PJA2: variants seen among roughly 807,000 people sequenced by gnomAD.
PJA2 encodes the protein praja ring finger ubiquitin ligase 2.
Under a neutral mutation model 69.3 loss-of-function variants are expected in PJA2, and 25 were observed. The observed-to-expected ratio is 0.36, with a 90% CI of 0.26 to 0.50. The LOEUF (loss-of-function observed/expected upper bound fraction) is 0.50. Ranked by LOEUF, PJA2 falls within the 20% of genes least tolerant of loss-of-function variation. The pLI, the probability that PJA2 is intolerant of heterozygous loss-of-function variation, is 0.96. For missense variants in PJA2, 809 were observed against 830.2 expected (o/e 0.97, Z 0.31); for synonymous variants, 308 against 277.8 (o/e 1.11, Z -1.08).
intron 7 of PJA2, among the ~76,000 whole-genome samples, chr5:109,354,300 A>ATAGATTAGATATCTATGATATCTC (rs1561346001): frequency 4.2e-5 from 6 of 143,172 alleles, no homozygotes; most frequent in African/African-American, 1.6e-4. Context: ...TATGATATCT[A>ATAGATTAGATATCTATGATATCTC]GAGATATCTA....
chr5:109,362,214 T>C (rs1046398293), intron 6 of PJA2, among the ~76,000 whole-genome samples: 5 of 152,186 alleles, frequency 3.3e-5, no homozygotes, highest in African/African-American at 1.2e-4. Flanking sequence ...CTGCTTTCAG[T>C]GGGCTACTAT....
intron 9 of PJA2, among the ~76,000 whole-genome samples, chr5:109,339,453 A>G (rs756222019): frequency 1.3e-5 from 2 of 152,242 alleles, no homozygotes; most frequent in Admixed American, 6.5e-5. Flanking sequence ...ATAAAAAAGA[A>G]ATGAAAAGAA....
chr5:109,372,300 C>T (rs1001950618), intron 4 of PJA2, among the ~76,000 whole-genome samples: 3 of 152,214 alleles, frequency 2.0e-5, no homozygotes, highest in Non-Finnish European at 4.4e-5. Context: ...CTCAAGAATG[C>T]TCTATTTCAA....
chr5:109,392,969 C>G (rs1423716958), intron 1 of PJA2, among the ~76,000 whole-genome samples: 1 of 151,942 alleles, frequency 6.6e-6, no homozygotes, highest in Admixed American at 6.5e-5. Context: ...GCAACAAAAA[C>G]TAAAATTTCC....
intron 1 of PJA2, among the ~76,000 whole-genome samples, chr5:109,394,196 C>T (rs1285526300): frequency 6.6e-6 from 1 of 151,682 alleles, no homozygotes; most frequent in African/African-American, 2.4e-5. Flanking sequence ...TATAGGTACC[C>T]GCCACCATGC....
At chr5:109,348,853 T>TTC (rs1762208563) in intron 7 of PJA2, among the ~76,000 whole-genome samples, 1 of 152,230 alleles carries the variant, frequency 6.6e-6, no homozygotes, top group Non-Finnish European at 1.5e-5. Flanking sequence ...GGATTAGTAA[T>TTC]TCTGCATATT....
chr5:109,360,753 A>T (rs1345738266), intron 6 of PJA2, among the ~76,000 whole-genome samples: 2 of 152,204 alleles, frequency 1.3e-5, no homozygotes, highest in African/African-American at 4.8e-5. Context: ...AGGTTTCTAA[A>T]ACCTTAACAC....
In PJA2 at chr5:109,342,196, T is replaced by TG. The variant is rs1303537282; in HGVS notation, c.2001+1993dup. Among the ~76,000 whole-genome samples the TG allele has an allele frequency of 6.4e-3, 120 of 18,706 alleles. 2 individuals carry two copies. Among genetic ancestry groups the TG allele is most frequent in the Admixed American group, 0.018 (32 of 1,748 alleles). The allele number at this position is 18,706 out of a possible 152,430, so 12.3% of individuals were successfully genotyped here. A position where few individuals can be genotyped will look rare whatever the true frequency, so the allele number is the denominator to read the frequency against. On this transcript the variant is annotated intron_variant, in intron 9 of 9. Coordinates refer to ENST00000361189, the MANE Select transcript of PJA2 (RefSeq NM_014819.5). ...CCAGCCGCCCCGTCCGGGAGGGAGG[T>TG]GGGGGGGGGTCAGCCCCCCCGCCCG...
At chr5:109,359,619 T>C (rs1325105217) in intron 6 of PJA2, among the ~76,000 whole-genome samples, 1 of 152,078 alleles carries the variant, frequency 6.6e-6, no homozygotes, top group Non-Finnish European at 1.5e-5. Flanking sequence ...TTCTAAAAAA[T>C]AAATGACCTG....
At chr5:109,392,859 C>G (rs1747314351) in intron 1 of PJA2, among the ~76,000 whole-genome samples, 1 of 152,052 alleles carries the variant, frequency 6.6e-6, no homozygotes, top group South Asian at 2.1e-4. Context: ...AACTCAATTC[C>G]AAAAGCAATG....
At chr5:109,368,780 G>A in intron 4 of PJA2, 34 bp from the exon 5 acceptor site, 2 of 1,576,832 alleles carry the variant, frequency 1.3e-6, no homozygotes, top group Admixed American at 1.8e-5. Context: ...CTATCATAAT[G>A]TGTTCAGTTA....
chr5:109,408,640 G>C (rs1747750172), intron 1 of PJA2, among the ~76,000 whole-genome samples: 1 of 152,126 alleles, frequency 6.6e-6, no homozygotes, highest in Non-Finnish European at 1.5e-5. Flanking sequence ...AGTGGGACTG[G>C]GGGATGAAAA....
In PJA2 at chr5:109,336,473, A is replaced by G. The variant is rs958455501; in HGVS notation, c.*758T>C. On this transcript the variant is annotated 3_prime_UTR_variant, in exon 10 of 10. Transcript: ENST00000361189. ...TTAACCAAGGAGAAACAGGTTGGGT[A>G]AGAGGTTAGAAAGAGTTTCATAAGG... is the stretch of plus-strand genomic sequence containing the variant. 1 of 152,124 alleles carries G rather than the reference A, an allele frequency of 6.6e-6. No homozygotes were observed. Among genetic ancestry groups the G allele is most frequent in the Non-Finnish European group, 1.5e-5 (1 of 68,038 alleles). The allele number at this position is 152,124 out of a possible 1,614,324, so 9.4% of individuals were successfully genotyped here.
chr5:109,357,396 T>A (rs770535716), intron 6 of PJA2, among the ~76,000 whole-genome samples: 1 of 152,192 alleles, frequency 6.6e-6, no homozygotes, highest in Non-Finnish European at 1.5e-5. Context: ...AAGAGTAATG[T>A]TATAGTTTAG....
Position 109,356,016 on chromosome 5 carries a change from C to G in PJA2, c.1663G>C (p.Gly555Arg). 6.2e-7 allele frequency: 1 copy of G among 1,603,754 alleles called. No homozygotes were observed. Among genetic ancestry groups the G allele is most frequent in the South Asian group, 1.1e-5 (1 of 90,398 alleles). ...GCAACTCCTAGTCCATCTGCAAAGC[C>G]ATCAAATAGGCTGAAAAAAAAAAAA... ...DLDVDWSLFD[G>R]FADGLGVAEA... Residue 555 changes from glycine to arginine, a missense_variant, in exon 7 of 10, where the codon GGC (glycine) becomes CGC (arginine). By Grantham distance (125) the Gly-to-Arg change is moderately radical. Coordinates refer to ENST00000361189, the MANE Select transcript of PJA2 (RefSeq NM_014819.5).
chr5:109,398,710 G>A (rs150787321), intron 1 of PJA2, among the ~76,000 whole-genome samples: 4,580 of 151,402 alleles, frequency 0.03, 91 homozygotes, highest in Middle Eastern at 0.048. Flanking sequence ...ACACCAACAC[G>A]GCACATGTAT....
rs569242130 is a variant in PJA2, at chr5:109,378,958, C to G, written c.529G>C (p.Asp177His). ...SYDPDGKHGE[D>H]NDHLQLSAEV... ...GCAGAAAGTTGAAGATGGTCATTAT[C>G]TTCTCCATGTTTGCCATCTGGATCA... The change falls in exon 4 of 10, where the codon GAT becomes CAT. Residue 177 changes from aspartate (D) to histidine (H), a missense_variant. Physicochemically the swap from Asp to His is moderately conservative, Grantham distance 81. Around this residue, in one of 4 missense-constraint regions of PJA2, gnomAD observed 700 missense variants for 639.5 expected, o/e 1.09. Coordinates refer to ENST00000361189, the MANE Select transcript of PJA2 (RefSeq NM_014819.5). 1.2e-6 allele frequency: 2 copies of G among 1,614,136 alleles called. No homozygotes were observed. The highest frequency in any genetic ancestry group is 1.3e-5 in the African/African-American group (1 of 75,030).
chr5:109,380,007 A>T (rs145128852), intron 3 of PJA2, among the ~76,000 whole-genome samples: 20 of 152,202 alleles, frequency 1.3e-4, no homozygotes, highest in African/African-American at 4.3e-4. Flanking sequence ...TGGAATAAAA[A>T]TTCATGAATT....
chr5:109,344,120 A>AAAT, intron 9 of PJA2, 70 bp downstream of exon 9: 2 of 838,718 alleles, frequency 2.4e-6, no homozygotes, highest in Non-Finnish European at 1.7e-6. Context: ...AAAAAAAAAA[A>AAAT]GATACTATTA....
Sources: allele counts gnomAD v4.1 joint callset (sites outside exome capture counted in the v4.1 genomes callset), GRCh38; gene constraint gnomAD v4.1.1; regional missense constraint gnomAD v4.1.1; transcripts MANE v1.5; gene names NCBI Gene and HGNC (gene_info 2026-07-23, HGNC 2026-07-21).